The following CD247 variants were observed in gnomAD, a reference collection of about 807,000 sequenced individuals.
CD247 encodes T-cell surface glycoprotein CD3 zeta chain.
A neutral mutation model predicts 30.0 loss-of-function variants in CD247; 13 were observed. The observed-to-expected ratio is 0.43, with a 90% CI of 0.28 to 0.69. The LOEUF (loss-of-function observed/expected upper bound fraction) is 0.69, where lower values mean the gene tolerates loss of function less well. Among genes scored for constraint, CD247 ranks in the 30% least tolerant of loss-of-function variants. The pLI is 0.16. For synonymous variants in CD247, 72 were observed against 80.0 expected (o/e 0.90, Z 0.53); for missense variants, 193 against 212.6 (o/e 0.91, Z 0.57).
chr1:167,492,533 G>A (rs1456635699), intron 1 of CD247, among the ~76,000 whole-genome samples: 3 of 152,236 alleles, frequency 2.0e-5, no homozygotes. Context: ...ACAGTCTGGT[G>A]AGCTTCTGTG....
chr1:167,439,789 T>C (rs1557995414), intron 2 of CD247: 1 of 263,484 alleles, frequency 3.8e-6, no homozygotes, highest in South Asian at 4.6e-5. Flanking sequence ...TGGCGGCTGG[T>C]CAAGATCCCG....
At chr1:167,488,464 A>G (rs1010040564) in intron 1 of CD247, among the ~76,000 whole-genome samples, 1 of 152,330 alleles carries the variant, frequency 6.6e-6, no homozygotes, top group South Asian at 2.1e-4. Context: ...ATTCCCAAAA[A>G]GAGTGAGAGG....
At chr1:167,479,999 G>A (rs1653910799) in intron 1 of CD247, among the ~76,000 whole-genome samples, 2 of 152,110 alleles carry the variant, frequency 1.3e-5, no homozygotes, top group Admixed American at 6.5e-5. Flanking sequence ...TGCTGAGAGC[G>A]GACTCAGAAT....
chr1:167,430,887 T>C lies in CD247; in HGVS notation c.*794A>G. 1 of 398,814 alleles carries C rather than the reference T, an allele frequency of 2.5e-6. No homozygotes were observed. The highest frequency in any genetic ancestry group is 2.0e-5 in the African/African-American group (1 of 48,784). 24.7% of individuals were successfully genotyped at this position (398,814 alleles called of 1,614,324 possible). On this transcript the variant is annotated 3_prime_UTR_variant, in exon 8 of 8. Coordinates refer to ENST00000362089, the MANE Select transcript of CD247 (RefSeq NM_198053.3). The stretch of plus-strand genomic sequence containing the variant: ...TCACAAAGATGATTTTGTCATTCGC[T>C]GAAAGCGTGAAGTGAATCAACGGCC...
intron 1 of CD247, among the ~76,000 whole-genome samples, chr1:167,468,851 G>T (rs76263434): frequency 6.6e-6 from 1 of 151,912 alleles, no homozygotes; most frequent in African/African-American, 2.4e-5. Flanking sequence ...TGCTCCACCC[G>T]GCTGATTTGT....
intron 6 of CD247, 107 bp from the exon 7 acceptor site, chr1:167,433,166 C>A (rs1312483611): frequency 8.9e-7 from 1 of 1,127,784 alleles, no homozygotes; most frequent in Non-Finnish European, 1.3e-6. Flanking sequence ...TCAGAGGTAA[C>A]TGTCTCCCAG....
At position 167,455,326 on chromosome 1, in the gene CD247, G is replaced by A. The variant is rs371974600; in HGVS notation, c.59-14559C>T. The stretch of plus-strand genomic sequence containing the variant: ...GTCCCTCCCGGGTCAAAGCTACGCC[G>A]GGTGCACTGCGGGCTGGGCAGCTCT... On this transcript the variant is annotated intron_variant, in intron 1 of 7. Transcript: ENST00000362089. Among the ~76,000 whole-genome samples, 206 of 152,324 alleles carry A rather than the reference G, an allele frequency of 1.4e-3. 2 individuals are homozygous for A. The highest frequency in any genetic ancestry group is 4.7e-3 in the African/African-American group (194 of 41,576).
intron 4 of CD247, among the ~76,000 whole-genome samples, chr1:167,438,116 C>G (rs1469582060): frequency 1.3e-5 from 2 of 152,178 alleles, no homozygotes; most frequent in South Asian, 2.1e-4. Context: ...CCAGCTGCTC[C>G]CCTACCCACA....
chr1:167,450,867 C>T (rs1287121020), intron 1 of CD247, among the ~76,000 whole-genome samples: 2 of 146,864 alleles, frequency 1.4e-5, no homozygotes, highest in African/African-American at 5.1e-5. Flanking sequence ...GAGCTGAGAT[C>T]GAGCCACTGC....
At chr1:167,495,415 A>G (rs545831420) in intron 1 of CD247, among the ~76,000 whole-genome samples, 11 of 152,178 alleles carry the variant, frequency 7.2e-5, no homozygotes, top group Admixed American at 2.0e-4. Flanking sequence ...AGAGGGAAGA[A>G]GAGTGTGCTC....
At chr1:167,458,141 T>C (rs542086473) in intron 1 of CD247, among the ~76,000 whole-genome samples, 1 of 152,378 alleles carries the variant, frequency 6.6e-6, no homozygotes, top group East Asian at 1.9e-4. Context: ...CAGTAATTTC[T>C]GATTCCTTCC....
At chr1:167,493,037 C>CTTTTTTTTTTTTTTTTT (rs60850667) in intron 1 of CD247, among the ~76,000 whole-genome samples, 1 of 80,366 alleles carries the variant, frequency 1.2e-5, no homozygotes, top group Non-Finnish European at 2.2e-5. Flanking sequence ...AATTTTTCTC[C>CTTTTTTTTTTTTTTTTT]TTTTTTTTTT....
At chr1:167,517,231 C>G (rs1040647599) in intron 1 of CD247, among the ~76,000 whole-genome samples, 1 of 152,196 alleles carries the variant, frequency 6.6e-6, no homozygotes, top group Non-Finnish European at 1.5e-5. Flanking sequence ...CAGAATCCCC[C>G]GAGGCGCTGG....
At position 167,515,137 on chromosome 1, in the gene CD247, T is replaced by A. The variant is rs2982480; in HGVS notation, c.58+3271A>T. ...CATTTGGATGAGCAGAGCTAGGCGA[T>A]TGGAGGGCGAAACAATCTGATGGTG... On this transcript the variant is annotated intron_variant, in intron 1 of 7. Transcript: ENST00000362089. Among the ~76,000 whole-genome samples, 66 of 152,210 alleles carry A rather than the reference T, an allele frequency of 4.3e-4. 1 individual carries two copies. The South Asian group carries it at 7.9e-3, about 18-fold the overall frequency.
chr1:167,462,362 A>C (rs1438730100), intron 1 of CD247, among the ~76,000 whole-genome samples: 2 of 152,206 alleles, frequency 1.3e-5, no homozygotes, highest in African/African-American at 4.8e-5. Context: ...TCCAGCGATG[A>C]AGCCAGACCA....
chr1:167,512,724 C>T (rs989844808), intron 1 of CD247, among the ~76,000 whole-genome samples: 7 of 152,174 alleles, frequency 4.6e-5, no homozygotes, highest in Non-Finnish European at 1.0e-4. Flanking sequence ...TAGGCACTTC[C>T]GAATCAGATC....
chr1:167,497,725 A>G (rs1425710685), intron 1 of CD247, among the ~76,000 whole-genome samples: 2 of 152,194 alleles, frequency 1.3e-5, no homozygotes, highest in Non-Finnish European at 2.9e-5. Context: ...TCCAAGGAAC[A>G]AACTCAGTAC....
intron 5 of CD247, chr1:167,434,452 C>T (rs1211448252): frequency 1.4e-5 from 5 of 359,484 alleles, no homozygotes; most frequent in African/African-American, 4.2e-5. Context: ...CACAGCCAAA[C>T]GGGCTGTAGA....
intron 1 of CD247, among the ~76,000 whole-genome samples, chr1:167,477,029 G>A (rs1340186739): frequency 6.6e-6 from 1 of 152,204 alleles, no homozygotes; most frequent in Non-Finnish European, 1.5e-5. Context: ...GAGGCTATTG[G>A]CCCCACTGTT....
Sources: allele counts gnomAD v4.1 joint callset (sites outside exome capture counted in the v4.1 genomes callset), GRCh38; gene constraint gnomAD v4.1.1; transcripts MANE v1.5; gene names NCBI Gene and HGNC (gene_info 2026-07-23, HGNC 2026-07-21).